The following CCDC138 variants were observed in gnomAD, a reference collection of about 807,000 sequenced individuals.
CCDC138 encodes the protein coiled-coil domain containing 138.
Under a neutral mutation model 82.3 loss-of-function variants are expected in CCDC138, and 66 were observed. That is an observed-to-expected ratio of 0.80 (90% CI 0.66 to 0.98). The LOEUF (loss-of-function observed/expected upper bound fraction) is 0.98, where lower values mean the gene tolerates loss of function less well. CCDC138 is among the 50% of genes least tolerant of loss of function. The pLI is 0.00. For synonymous variants in CCDC138, 297 were observed against 265.4 expected, an observed-to-expected ratio of 1.12 and a Z score of -1.16; for missense variants, 816 against 758.9, an observed-to-expected ratio of 1.08 and a Z score of -0.88.
At chr2:108,846,351 T>TA (rs1250145950) in intron 11 of CCDC138, among the ~76,000 whole-genome samples, 1 of 152,214 alleles carries the variant, frequency 6.6e-6, no homozygotes, top group Non-Finnish European at 1.5e-5. Context: ...AGATTTCACT[T>TA]ACTTTTAATA....
chr2:108,821,805 C>T (rs1475189007), intron 10 of CCDC138, among the ~76,000 whole-genome samples: 2 of 151,374 alleles, frequency 1.3e-5, no homozygotes, highest in Admixed American at 6.6e-5. Context: ...ATTAGCCGGG[C>T]GTAGTGGTGG....
chr2:108,811,839 A>G (rs1683920968), intron 7 of CCDC138, among the ~76,000 whole-genome samples: 1 of 151,872 alleles, frequency 6.6e-6, no homozygotes, highest in Non-Finnish European at 1.5e-5. Flanking sequence ...CCCATTGTTT[A>G]TCTTTGACTT....
At chr2:108,813,248 CAAAA>C (rs371435296) in intron 9 of CCDC138, among the ~76,000 whole-genome samples, 31 of 63,560 alleles carry the variant, frequency 4.9e-4, no homozygotes, top group East Asian at 3.1e-3. Flanking sequence ...GACTCCGTCT[CAAAA>C]AAAAAAAAAA....
chr2:108,831,705 C>CTTCCTTCCTTCCTTCT (rs1207986671), intron 10 of CCDC138, among the ~76,000 whole-genome samples: 3 of 141,788 alleles, frequency 2.1e-5, no homozygotes, highest in Non-Finnish European at 4.7e-5. Flanking sequence ...CAGAATCTTC[C>CTTCCTTCCTTCCTTCT]TTCCTTCCTT....
At chr2:108,885,153 C>T (rs1696392058) in exon 3 of CCDC138, 1 of 152,150 alleles carries the variant, frequency 6.6e-6, no homozygotes, top group African/African-American at 2.4e-5. Flanking sequence ...TTCACAAACC[C>T]ACCTTTACCC....
At position 108,872,732 on chromosome 2, in the gene CCDC138, G is replaced by A. The variant is rs181131952; in HGVS notation, c.1694-719G>A. On this transcript the variant is annotated intron_variant, in intron 13 of 14. Coordinates refer to ENST00000295124, the MANE Select transcript of CCDC138 (RefSeq NM_144978.3). Reference sequence around the variant, plus strand: ...GCCTCATGGCCTTATCTTCTTAAAGGTCCCCACTCTTAATACTATTACAAT... The same window carrying A: ...GCCTCATGGCCTTATCTTCTTAAAGATCCCCACTCTTAATACTATTACAAT... Among the ~76,000 whole-genome samples the A allele has an allele frequency of 4.7e-4, 71 of 152,176 alleles. 1 individual carries two copies. Among genetic ancestry groups the A allele is most frequent in the Middle Eastern group, 6.8e-3 (2 of 294 alleles).
At chr2:108,841,190 T>C (rs1361393167) in intron 11 of CCDC138, among the ~76,000 whole-genome samples, 1 of 152,120 alleles carries the variant, frequency 6.6e-6, no homozygotes, top group African/African-American at 2.4e-5. Context: ...GTTTTTCTAG[T>C]TTAGTTGTAT....
rs375637819 is a variant in CCDC138 at position 108,794,667 on chromosome 2, A to G, written c.522A>G (p.Pro174=). The change falls in exon 5 of 15, where the codon CCA becomes CCG. Residue 174 remains proline, a synonymous_variant. Coordinates refer to ENST00000295124, the MANE Select transcript of CCDC138 (RefSeq NM_144978.3). ...SKASDKRSLL[P]HQISQIYDEL... is the part of the protein sequence containing the mutation. ...CATCAGACAAGCGGAGTTTACTTCC[A>G]CATCAGATCAGTCAGATATATGACG... 167 of 1,614,038 alleles carry G rather than the reference A, an allele frequency of 1.0e-4. No individual in the cohort carries two copies. The highest frequency in any genetic ancestry group is 3.3e-4 in the Middle Eastern group (2 of 6,084).
intron 6 of CCDC138, among the ~76,000 whole-genome samples, chr2:108,803,928 A>G (rs1290720890): frequency 2.6e-5 from 4 of 152,244 alleles, no homozygotes; most frequent in Non-Finnish European, 5.9e-5. Context: ...TTTTAAAAAT[A>G]ACTGTATTTG....
intron 3 of CCDC138, among the ~76,000 whole-genome samples, chr2:108,791,340 A>G (rs996136482): frequency 6.6e-6 from 1 of 152,246 alleles, no homozygotes; most frequent in South Asian, 2.1e-4. Flanking sequence ...TAGTTTACTT[A>G]TGTATATTAT....
chr2:108,811,033 A>G (rs1009467715), intron 7 of CCDC138, among the ~76,000 whole-genome samples: 1 of 151,310 alleles, frequency 6.6e-6, no homozygotes, highest in Non-Finnish European at 1.5e-5. Context: ...ACTGCTTGTA[A>G]TGTCTCCCTT....
chr2:108,880,381 A>T (rs921664132), downstream of CCDC138, among the ~76,000 whole-genome samples: 1 of 152,152 alleles, frequency 6.6e-6, no homozygotes. Flanking sequence ...TCCTATTCAA[A>T]ATCCTAACAA....
intron 10 of CCDC138, among the ~76,000 whole-genome samples, chr2:108,830,404 A>G (rs1358299150): frequency 1.3e-5 from 2 of 152,250 alleles, no homozygotes; most frequent in Admixed American, 6.5e-5. Context: ...ATATTTTACC[A>G]TAATAAAGAT....
chr2:108,790,539 A>G (rs1311791418), intron 3 of CCDC138, among the ~76,000 whole-genome samples: 1 of 152,088 alleles, frequency 6.6e-6, no homozygotes, highest in East Asian at 1.9e-4. Flanking sequence ...AAGACTTAGC[A>G]TAGATAACAA....
chr2:108,867,861 A>G (rs936178724), intron 13 of CCDC138, among the ~76,000 whole-genome samples: 1 of 152,218 alleles, frequency 6.6e-6, no homozygotes, highest in Non-Finnish European at 1.5e-5. Flanking sequence ...TAGACATCAT[A>G]CATTTTTGTC....
Position 108,816,091 on chromosome 2 carries a change from G to A in CCDC138, c.1192G>A (p.Glu398Lys), listed in dbSNP as rs1684750933. Residue 398 changes from glutamate (E) to lysine (K), a missense_variant, in exon 10 of 15, where the codon GAG (glutamate) becomes AAG (lysine). Coordinates refer to ENST00000295124, the MANE Select transcript of CCDC138 (RefSeq NM_144978.3). ...KFASQRNDIQEKCVKLLPLMT... is the reference protein window; with the variant it reads ...KFASQRNDIQKKCVKLLPLMT... ...TGCTTCCCAGAGAAATGATATTCAG[G>A]AGAAGTGTGTAAAGGTTTGTTTTTT... 1.1e-5 allele frequency: 18 copies of A among 1,609,366 alleles called. No individual in the cohort carries two copies. In the East Asian group the frequency reaches 3.3e-4, roughly 30 times the overall value.
chr2:108,823,660 A>G (rs1466673026), intron 10 of CCDC138, among the ~76,000 whole-genome samples: 1 of 152,240 alleles, frequency 6.6e-6, no homozygotes, highest in Non-Finnish European at 1.5e-5. Context: ...AAAATGTTCA[A>G]TAAAGATACA....
intron 10 of CCDC138, among the ~76,000 whole-genome samples, chr2:108,829,888 CAT>C (rs770728586): frequency 9.2e-5 from 14 of 152,252 alleles, no homozygotes; most frequent in East Asian, 5.8e-4. Context: ...AAACTTAAAA[CAT>C]AGAATTACCT....
At chr2:108,798,611 G>A (rs771928542) in intron 6 of CCDC138, 25 bp downstream of exon 6, 3 of 1,523,882 alleles carry the variant, frequency 2.0e-6, no homozygotes, top group Non-Finnish European at 1.8e-6. Flanking sequence ...TTTGATTTTA[G>A]AGTGGTATAT....
Sources: allele counts gnomAD v4.1 joint callset (sites outside exome capture counted in the v4.1 genomes callset), GRCh38; gene constraint gnomAD v4.1.1; transcripts MANE v1.5; gene names NCBI Gene and HGNC (gene_info 2026-07-23, HGNC 2026-07-21).